SQSTM1: variants seen among roughly 807,000 people sequenced by gnomAD.
SQSTM1 encodes the protein sequestosome 1, also known as sequestosome-1.
In SQSTM1, 36 loss-of-function variants were observed where a neutral mutation model predicts 45.1. The ratio of observed to expected loss-of-function variants is 0.80; its 90% confidence interval spans 0.61 to 1.05. The LOEUF (loss-of-function observed/expected upper bound fraction) is 1.05. Among genes scored for constraint, SQSTM1 ranks in the 50% least tolerant of loss-of-function variants. SQSTM1 has a pLI of 0.00. For missense variants in SQSTM1, 617 were observed against 607.1 expected (o/e 1.02, Z -0.17); for synonymous variants, 290 against 244.3 (o/e 1.19, Z -1.74).
In SQSTM1 at chr5:179,836,511, C is replaced by T. The variant is rs1758563553; in HGVS notation, c.1241C>T (p.Thr414Ile). ...TTCTCTGATGAAGGCGGCTGGCTCA[C>T]CAGGCTCCTGCAGACCAAGAACTAT... ...MGFSDEGGWL[T>I]RLLQTKNYDI... is the part of the protein sequence containing the mutation. The change falls in exon 8 of 8, where the codon ACC becomes ATC. Residue 414 changes from threonine (T) to isoleucine (I), a missense_variant. Thr to Ile is a moderately conservative substitution (Grantham distance 89). Transcript: ENST00000389805. 6.2e-7 allele frequency: 1 copy of T among 1,614,218 alleles called. No individual in the cohort carries two copies. The highest frequency in any genetic ancestry group is 8.5e-7 in the Non-Finnish European group (1 of 1,180,042).
chr5:179,829,340 C>T (rs1758120858), intron 5 of SQSTM1, among the ~76,000 whole-genome samples: 1 of 152,204 alleles, frequency 6.6e-6, no homozygotes, highest in Non-Finnish European at 1.5e-5. Context: ...TGCCAGACCC[C>T]CAGGCACCCT....
At position 179,806,414 on chromosome 5, in the gene SQSTM1, G is replaced by GCCACCGCCGGGCCCGCTC. The variant is rs1379508619; in HGVS notation, c.-331_-314dup. On this transcript the variant is annotated 5_prime_UTR_variant, in exon 1 of 6. Transcript: ENST00000514093. This position sits in a 1 kb window ranked among gnomAD's most constrained non-coding sequence, Gnocchi z 4.6. ...CGTCGGCTTCCGGCCGCCTTCCGCG[G>GCCACCGCCGGGCCCGCTC]CCACCGCCGGGCCCGCTCCCGCCGC... is the stretch of plus-strand genomic sequence containing the variant. 14 of 976,742 alleles carry GCCACCGCCGGGCCCGCTC rather than the reference G, an allele frequency of 1.4e-5. No individual in the cohort carries two copies. In the African/African-American group the frequency reaches 2.1e-4, roughly 15 times the overall value. 60.5% of individuals were successfully genotyped at this position (976,742 alleles called of 1,614,324 possible).
rs760388024 is a variant in SQSTM1 at position 179,833,051 on chromosome 5, T to C, written c.774T>C (p.Asp258=). ...LSPLGIEVDI[D]VEHGGKRSRL... Reference sequence around the variant, plus strand: ...CTCTAGGCATTGAAGTTGATATCGATGTGGAGCACGGAGGGAAAAGAAGCC... The same window carrying C: ...CTCTAGGCATTGAAGTTGATATCGACGTGGAGCACGGAGGGAAAAGAAGCC... Residue 258 remains aspartate (D), a synonymous_variant, in exon 6 of 8, where the codon GAT becomes GAC. Transcript: ENST00000389805. 3 of 1,614,094 alleles carry C rather than the reference T, an allele frequency of 1.9e-6. No homozygotes were observed. Among genetic ancestry groups the C allele is most frequent in the African/African-American group, 1.3e-5 (1 of 75,008 alleles).
chr5:179,823,981 G>A lies in SQSTM1; in HGVS notation c.425G>A (p.Cys142Tyr). The change falls in exon 3 of 8, where the codon TGC becomes TAC. Residue 142 changes from cysteine to tyrosine, a missense_variant. Transcript: ENST00000389805. ...NGPVVGTRYKCSVCPDYDLCS... is the reference protein window; with the variant it reads ...NGPVVGTRYKYSVCPDYDLCS... ...CCTGTGGTAGGAACCCGCTACAAGT[G>A]CAGCGTCTGCCCAGACTACGACTTG... 6.2e-7 allele frequency: 1 copy of A among 1,614,044 alleles called. No homozygotes were observed. The highest frequency in any genetic ancestry group is 8.5e-7 in the Non-Finnish European group (1 of 1,180,046).
chr5:179,814,820 C>T (rs182391522), upstream of SQSTM1, among the ~76,000 whole-genome samples: 22 of 152,098 alleles, frequency 1.4e-4, no homozygotes, highest in Non-Finnish European at 2.6e-4. Context: ...CTTTAGGAGG[C>T]CGAGGCGGGA....
Position 179,833,699 on chromosome 5 carries a change from C to T in SQSTM1, c.1082C>T (p.Ser361Phe). 1 of 1,614,140 alleles carries T rather than the reference C, an allele frequency of 6.2e-7. No homozygotes were observed. Among genetic ancestry groups the T allele is most frequent in the East Asian group, 2.2e-5 (1 of 44,872 alleles). The stretch of plus-strand genomic sequence containing the variant: ...CTCCAGTCCCTACAGATGCCAGAAT[C>T]CGAAGGGCCAAGCTCTCTGGACCCC... ...GELQSLQMPE[S>F]EGPSSLDPSQ... Residue 361 changes from serine (S) to phenylalanine (F), a missense_variant, in exon 7 of 8, where the codon TCC becomes TTC. By Grantham distance (155) the Ser-to-Phe change is radical. Transcript: ENST00000389805.
chr5:179,833,478 C>G lies in SQSTM1; in HGVS notation c.970-109C>G, dbSNP rs2241350. ...TCCCCCTAGACCCCTGCAGCCTTAA[C>G]TGCACGTGTGCATGCGTGCTCCCCG... On this transcript the variant is annotated intron_variant, in intron 6 of 7. Coordinates refer to ENST00000389805, the MANE Select transcript of SQSTM1 (RefSeq NM_003900.5). The G allele has an allele frequency of 0.12, 147,009 of 1,219,794 alleles. 10,439 individuals carry two copies. The highest frequency in any genetic ancestry group is 0.28 in the East Asian group (11,584 of 41,216). 75.6% of individuals were successfully genotyped at this position (1,219,794 alleles called of 1,614,324 possible).
At chr5:179,832,815 G>T (rs779058975) in intron 5 of SQSTM1, among the ~76,000 whole-genome samples, 1 of 152,070 alleles carries the variant, frequency 6.6e-6, no homozygotes, top group Admixed American at 6.6e-5. Flanking sequence ...GGTTTGTATC[G>T]TCTGGTCCCA....
rs751367242 is a variant in SQSTM1, at chr5:179,824,103, G to T, written c.531+16G>T. ...CCTGTCTGAGGTGAGCAGGCCCTCT[G>T]TGCAGGCCTGGGGTGGGCTCAGGGT... On this transcript the variant is annotated intron_variant, in intron 3 of 7. Coordinates refer to ENST00000389805, the MANE Select transcript of SQSTM1 (RefSeq NM_003900.5). The T allele has an allele frequency of 3.7e-6, 6 of 1,613,624 alleles. No homozygotes were observed. Among genetic ancestry groups the T allele is most frequent in the African/African-American group, 1.3e-5 (1 of 74,948 alleles).
At chr5:179,820,139 ACAAGGCCAACGG>A (rs1757719378), upstream of SQSTM1, 2 of 152,690 alleles carry the variant, frequency 1.3e-5, no homozygotes, top group Non-Finnish European at 1.5e-5. Context: ...TTGGCTGCCC[ACAAGGCCAACGG>A]GCCTGAGCCC....
intron 2 of SQSTM1, chr5:179,813,609 C>T (rs946986601): frequency 2.0e-5 from 3 of 150,246 alleles, no homozygotes; most frequent in Non-Finnish European, 4.4e-5. Flanking sequence ...AAAAAAAAAA[C>T]AATAATAAAA....
chr5:179,836,696 T>C lies in SQSTM1; in HGVS notation c.*103T>C, dbSNP rs1006467602. On this transcript the variant is annotated 3_prime_UTR_variant, in exon 8 of 8. Transcript: ENST00000389805. ...TGTACGGGCCAGTTTCTCTGCCTTCTTCCAGGATCAGGGGTTAGGGTGCAA... is the reference window on the plus strand; with the variant it reads ...TGTACGGGCCAGTTTCTCTGCCTTCCTCCAGGATCAGGGGTTAGGGTGCAA... 3.8e-6 allele frequency: 6 copies of C among 1,568,864 alleles called. No homozygotes were observed. The South Asian group carries it at 6.7e-5, about 17-fold the overall frequency.
At position 179,833,601 on chromosome 5, in the gene SQSTM1, G is replaced by A. The variant is rs146164139; in HGVS notation, c.984G>A (p.Ser328=). 4.1e-3 allele frequency: 6,576 copies of A among 1,614,132 alleles called. 25 individuals carry two copies. Among genetic ancestry groups the A allele is most frequent in the Middle Eastern group, 6.6e-3 (40 of 6,060 alleles). Reference sequence around the variant, plus strand: ...TTTTGTTCCAGGAACAGATGGAGTCGGATAACTGTTCAGGAGGAGATGATG... The same window carrying A: ...TTTTGTTCCAGGAACAGATGGAGTCAGATAACTGTTCAGGAGGAGATGATG... ...SEGRPEEQME[S]DNCSGGDDDW... is the part of the protein sequence containing the mutation. Residue 328 remains serine, a synonymous_variant, in exon 7 of 8, where the codon TCG becomes TCA. Transcript: ENST00000389805.
At position 179,833,124 on chromosome 5, in the gene SQSTM1, A is replaced by G. The variant is rs148559402; in HGVS notation, c.847A>G (p.Ser283Gly). 5.6e-6 allele frequency: 9 copies of G among 1,614,106 alleles called. No individual in the cohort carries two copies. The highest frequency in any genetic ancestry group is 6.8e-6 in the Non-Finnish European group (8 of 1,180,040). Residue 283 changes from serine (S) to glycine (G), a missense_variant, in exon 6 of 8, where the codon AGC becomes GGC. Ser to Gly is a moderately conservative substitution (Grantham distance 56). Coordinates refer to ENST00000389805, the MANE Select transcript of SQSTM1 (RefSeq NM_003900.5). Reference protein sequence around the residue: ...PESSSTEEKSSSQPSSCCSDP... With the variant: ...PESSSTEEKSGSQPSSCCSDP... ...GAGTTCCAGCACAGAGGAGAAGAGCAGCTCACAGCCAAGCAGCTGCTGCTC... is the reference window on the plus strand; with the variant it reads ...GAGTTCCAGCACAGAGGAGAAGAGCGGCTCACAGCCAAGCAGCTGCTGCTC...
Position 179,837,351 on chromosome 5 carries a change from C to CT in SQSTM1, c.*759dup, listed in dbSNP as rs760128130. The CT allele has an allele frequency of 3.0e-5, 48 of 1,581,874 alleles. No individual in the cohort carries two copies. Among genetic ancestry groups the CT allele is most frequent in the Non-Finnish European group, 4.0e-5 (47 of 1,163,776 alleles). ...GTGCCTTAGGGGAACCCTGTCCCTC[C>CT]TAACAAGTGTATCTCGATTAATAAC... On this transcript the variant is annotated 3_prime_UTR_variant, in exon 8 of 8. Transcript: ENST00000389805.
At position 179,837,012 on chromosome 5, in the gene SQSTM1, T is replaced by TAA. The variant is rs1758599284; in HGVS notation, c.*420_*421dup. 2 of 617,632 alleles carry TAA rather than the reference T, an allele frequency of 3.2e-6. No individual in the cohort carries two copies. The highest frequency in any genetic ancestry group is 3.7e-5 in the African/African-American group (2 of 54,170). The allele number at this position is 617,632 out of a possible 1,614,324, so 38.3% of individuals were successfully genotyped here. Reference sequence around the variant, plus strand: ...TGGTACACTCTGATTTTAGATAAAGTAAGCCTAGGTGTTGTCAGCAGGCAG... The same window carrying TAA: ...TGGTACACTCTGATTTTAGATAAAGTAAAAGCCTAGGTGTTGTCAGCAGGCAG... On this transcript the variant is annotated 3_prime_UTR_variant, in exon 8 of 8. Transcript: ENST00000389805.
At chr5:179,826,870 C>G (rs375507741) in intron 5 of SQSTM1, among the ~76,000 whole-genome samples, 4 of 151,880 alleles carry the variant, frequency 2.6e-5, no homozygotes, top group African/African-American at 9.7e-5. Context: ...TGTGAGCCAC[C>G]GAGCCCGGCC....
chr5:179,830,865 G>A (rs146639691), intron 5 of SQSTM1, among the ~76,000 whole-genome samples: 90 of 152,050 alleles, frequency 5.9e-4, no homozygotes, highest in African/African-American at 2.1e-3. Flanking sequence ...CCCGTGCCCA[G>A]CTATTTTAAA....
chr5:179,814,846 A>G (rs945280563), upstream of SQSTM1, among the ~76,000 whole-genome samples: 19 of 152,100 alleles, frequency 1.2e-4, no homozygotes, highest in African/African-American at 7.2e-5. Flanking sequence ...GCTTGAGCCC[A>G]AGAAGATCAT....
Sources: gnomAD v4.1 joint callset for allele counts (sites outside exome capture counted in the v4.1 genomes callset) on GRCh38, gnomAD v4.1.1 for gene constraint, Gnocchi (gnomAD v3.1) non-coding constraint, MANE v1.5 for transcripts, NCBI Gene and HGNC (gene_info 2026-07-23, HGNC 2026-07-21) for gene names.